Variants in MAPK8IP3 observed in about 807,000 individuals in gnomAD.
The protein encoded by MAPK8IP3 is mitogen-activated protein kinase 8 interacting protein 3, also known as C-Jun-amino-terminal kinase-interacting protein 3.
MAPK8IP3 carries 49 observed loss-of-function variants against 157.8 expected under a neutral mutation model. The ratio of observed to expected loss-of-function variants is 0.31; its 90% CI spans 0.25 to 0.39. The LOEUF (loss-of-function observed/expected upper bound fraction) is 0.39, where lower values mean the gene tolerates loss of function less well. Among genes scored for constraint, MAPK8IP3 ranks in the 10% least tolerant of loss-of-function variants. The pLI is 1.00. For synonymous variants in MAPK8IP3, 897 were observed against 777.7 expected (o/e 1.15, Z -2.55); for missense variants, 1,478 against 1,889.4 (o/e 0.78, Z 4.04).
chr16:1,737,648 CTGTCCGTGTGAG>C, intron 4 of MAPK8IP3, among the ~76,000 whole-genome samples: 1 of 68,002 alleles, frequency 1.5e-5, no homozygotes, highest in Non-Finnish European at 2.8e-5. Flanking sequence ...ATCCGTGTGA[CTGTCCGTGTGAG>C]CGTCCGTGTG....
At chr16:1,738,797 G>T (rs1223742671) in intron 4 of MAPK8IP3, among the ~76,000 whole-genome samples, 1 of 140,468 alleles carries the variant, frequency 7.1e-6, no homozygotes, top group African/African-American at 2.6e-5. Flanking sequence ...CCGTGTGAGT[G>T]TGACCACCCA....
intron 16 of MAPK8IP3, 48 bp downstream of exon 16, chr16:1,763,054 G>T: frequency 6.2e-7 from 1 of 1,603,912 alleles, no homozygotes; most frequent in Non-Finnish European, 8.5e-7. Flanking sequence ...GGGTTGGGGA[G>T]GCCCTGTCCT....
Position 1,768,929 on chromosome 16 carries a change from C to T in MAPK8IP3, c.*105C>T, listed in dbSNP as rs973294976. 1.1e-5 allele frequency: 15 copies of T among 1,339,994 alleles called. No individual in the cohort carries two copies. In the South Asian group the frequency reaches 1.3e-4, roughly 12 times the overall value. The allele number at this position is 1,339,994 out of a possible 1,614,324, so 83.0% of individuals were successfully genotyped here. A position where few individuals can be genotyped will look rare whatever the true frequency, so the allele number is the denominator to read the frequency against. ...CAGGCGCCGCCGCCCCTCTTCTAAC[C>T]TCTCAACCTGCAGCTTTCACCTGAG... On this transcript the variant is annotated 3_prime_UTR_variant, in exon 32 of 32. Coordinates refer to ENST00000610761, the MANE Select transcript of MAPK8IP3 (RefSeq NM_001318852.2).
At position 1,770,166 on chromosome 16, in the gene MAPK8IP3, T is replaced by G. The variant is rs1367907696; in HGVS notation, c.*1342T>G. The G allele has an allele frequency of 6.5e-6, 1 of 153,842 alleles. No homozygotes were observed. Among genetic ancestry groups the G allele is most frequent in the Non-Finnish European group, 1.4e-5 (1 of 69,050 alleles). 9.5% of individuals were successfully genotyped at this position (153,842 alleles called of 1,614,324 possible). On this transcript the variant is annotated 3_prime_UTR_variant, in exon 32 of 32. Coordinates refer to ENST00000610761, the MANE Select transcript of MAPK8IP3 (RefSeq NM_001318852.2). ...CCTGCCACCTCCACTGTGATGTATG[T>G]CCGCTCCCTCGTCTGTTCCCCCAGG...
rs1230437704 is a variant in MAPK8IP3, at chr16:1,743,348, A to C, written c.619A>C (p.Thr207Pro). The change falls in exon 5 of 32, where the codon ACC (threonine) becomes CCC (proline). Residue 207 changes from threonine (T) to proline (P), a missense_variant. Transcript: ENST00000610761. This position sits in a 1 kb window ranked among gnomAD's most constrained non-coding sequence, Gnocchi z 5.6. ...LPGRSRKERP[T>P]SLNVFPLADG... ...CCATTTCAGCAGGAAGGAGCGCCCCACCTCCCTGAACGTGTTCCCCCTGGC... is the reference window on the plus strand; with the variant it reads ...CCATTTCAGCAGGAAGGAGCGCCCCCCCTCCCTGAACGTGTTCCCCCTGGC... The C allele has an allele frequency of 1.3e-6, 2 of 1,564,622 alleles. 1 individual carries two copies. The highest frequency in any genetic ancestry group is 2.4e-5 in the South Asian group (2 of 83,884).
At chr16:1,709,362 G>T (rs971796117) in intron 1 of MAPK8IP3, among the ~76,000 whole-genome samples, 3 of 152,194 alleles carry the variant, frequency 2.0e-5, no homozygotes, top group Non-Finnish European at 4.4e-5. Context: ...CACACACCCT[G>T]GGTCCATCCT....
chr16:1,736,793 C>T lies in MAPK8IP3; in HGVS notation c.603-6539C>T, dbSNP rs577068657. ...GTCTGTGTGACCATCCGTGTGTGAC[C>T]GTCCGTGTGAGCGTGTGACCGTCCG... On this transcript the variant is annotated intron_variant, in intron 4 of 31. Transcript: ENST00000610761. Among the ~76,000 whole-genome samples, 27 of 57,616 alleles carry T rather than the reference C, an allele frequency of 4.7e-4. No individual in the cohort carries two copies. The South Asian group carries it at 9.2e-3, about 20-fold the overall frequency. 37.8% of individuals were successfully genotyped at this position (57,616 alleles called of 152,430 possible).
At chr16:1,717,731 A>C (rs2038246980) in intron 1 of MAPK8IP3, among the ~76,000 whole-genome samples, 1 of 152,228 alleles carries the variant, frequency 6.6e-6, no homozygotes, top group Non-Finnish European at 1.5e-5. Context: ...ATGCAGGCCC[A>C]TTCAAAAAAA....
chr16:1,706,260 C>T lies in MAPK8IP3; in HGVS notation c.-80C>T. On this transcript the variant is annotated 5_prime_UTR_variant, in exon 1 of 32. Transcript: ENST00000610761. The surrounding 1 kb of genome is among the most constrained non-coding windows in gnomAD (Gnocchi z 5.1). ...AGCTGCGGGAGGCGACGGGCTGCGG[C>T]CTGCGGAACCTGAGGCAGCTGGGGA... 6.1e-6 allele frequency: 8 copies of T among 1,314,316 alleles called. No individual in the cohort carries two copies. Among genetic ancestry groups the T allele is most frequent in the South Asian group, 4.9e-5 (3 of 61,034 alleles). The allele number at this position is 1,314,316 out of a possible 1,614,324, so 81.4% of individuals were successfully genotyped here.
intron 1 of MAPK8IP3, among the ~76,000 whole-genome samples, chr16:1,718,298 C>T (rs1478567543): frequency 6.6e-6 from 1 of 151,732 alleles, no homozygotes; most frequent in Non-Finnish European, 1.5e-5. Flanking sequence ...GATTCTCCTG[C>T]CTCAGCCTCC....
intron 1 of MAPK8IP3, among the ~76,000 whole-genome samples, chr16:1,718,476 G>A (rs957295143): frequency 1.4e-4 from 21 of 151,598 alleles, no homozygotes; most frequent in African/African-American, 5.1e-4. Context: ...GAGTCACCGC[G>A]CCCGGCTAAT....
rs984359723 is a variant in MAPK8IP3 at position 1,712,961 on chromosome 16, T to TC, written c.318+6305dup. Reference sequence around the variant, plus strand: ...CAACAAGGGGCCGGCACCCTTTGGTTCATTCAGCCTGAGCCTGTTGTTTCC... The same window carrying TC: ...CAACAAGGGGCCGGCACCCTTTGGTTCCATTCAGCCTGAGCCTGTTGTTTCC... On this transcript the variant is annotated intron_variant, in intron 1 of 31. Coordinates refer to ENST00000610761, the MANE Select transcript of MAPK8IP3 (RefSeq NM_001318852.2). Among the ~76,000 whole-genome samples, 9 of 152,336 alleles carry TC rather than the reference T, an allele frequency of 5.9e-5. No homozygotes were observed. The South Asian group carries it at 1.4e-3, about 25-fold the overall frequency.
Position 1,743,317 on chromosome 16 carries a change from C to T in MAPK8IP3, c.603-15C>T, listed in dbSNP as rs375015876. 2.1e-5 allele frequency: 32 copies of T among 1,543,048 alleles called. No individual in the cohort carries two copies. In the African/African-American group the frequency reaches 2.3e-4, roughly 11 times the overall value. ...CTCTAACCATCGCTTCCTCTCCTCT[C>T]GCCCCCCATTTCAGCAGGAAGGAGC... On this transcript the variant is annotated splice_polypyrimidine_tract_variant and intron_variant, in intron 4 of 31. Transcript: ENST00000610761. The surrounding 1 kb of genome is among the most constrained non-coding windows in gnomAD (Gnocchi z 5.6).
intron 8 of MAPK8IP3, among the ~76,000 whole-genome samples, chr16:1,754,161 G>A (rs546214481): frequency 8.0e-5 from 12 of 149,322 alleles, no homozygotes; most frequent in African/African-American, 3.0e-4. Flanking sequence ...CAGTAAGAGC[G>A]AAACTCTGTC....
intron 14 of MAPK8IP3, 25 bp downstream of exon 14, chr16:1,762,506 G>C: frequency 6.2e-7 from 1 of 1,611,152 alleles, no homozygotes; most frequent in South Asian, 1.1e-5. Context: ...CACCCCAGGA[G>C]GGGCTGCGGG....
rs563884201 is a variant in MAPK8IP3, at chr16:1,754,906, C to CTG, written c.1217-3239_1217-3238dup. Among the ~76,000 whole-genome samples, 22 of 152,346 alleles carry CTG rather than the reference C, an allele frequency of 1.4e-4. 1 individual carries two copies. The East Asian group carries it at 2.9e-3, about 20-fold the overall frequency. On this transcript the variant is annotated intron_variant, in intron 8 of 31. Coordinates refer to ENST00000610761, the MANE Select transcript of MAPK8IP3 (RefSeq NM_001318852.2). ...ACGTGCCCGGACCTGAAGACACACC[C>CTG]TGTGAGCTGTCTGCTGACATGACAG...
chr16:1,753,543 C>G (rs548926762), intron 8 of MAPK8IP3, among the ~76,000 whole-genome samples: 45 of 152,074 alleles, frequency 3.0e-4, no homozygotes, highest in African/African-American at 1.1e-3. Context: ...TGGGTTCACG[C>G]CATTCTCCTG....
At position 1,743,604 on chromosome 16, in the gene MAPK8IP3, G is replaced by A. The variant is rs1262696784; in HGVS notation, c.747+128G>A. On this transcript the variant is annotated intron_variant, in intron 5 of 31. Coordinates refer to ENST00000610761, the MANE Select transcript of MAPK8IP3 (RefSeq NM_001318852.2). This position sits in a 1 kb window ranked among gnomAD's most constrained non-coding sequence, Gnocchi z 5.6. ...TGGGCCACTCGCCCTCTCCCTTCGTGTGTGGCAGGATGGAGAAACCCAGCC... is the reference window on the plus strand; with the variant it reads ...TGGGCCACTCGCCCTCTCCCTTCGTATGTGGCAGGATGGAGAAACCCAGCC... 11 of 1,456,340 alleles carry A rather than the reference G, an allele frequency of 7.6e-6. No homozygotes were observed. The Admixed American group carries it at 2.6e-4, about 34-fold the overall frequency. 90.2% of individuals were successfully genotyped at this position (1,456,340 alleles called of 1,614,324 possible). A position where few individuals can be genotyped will look rare whatever the true frequency, so the allele number is the denominator to read the frequency against.
In MAPK8IP3 at chr16:1,706,531, G is replaced by A. The variant is rs2037394955; in HGVS notation, c.192G>A (p.Glu64=). 2.5e-6 allele frequency: 4 copies of A among 1,614,032 alleles called. No homozygotes were observed. Among genetic ancestry groups the A allele is most frequent in the East Asian group, 2.2e-5 (1 of 44,848 alleles). The change falls in exon 1 of 32, where the codon GAG becomes GAA. Residue 64 remains glutamate (E), a synonymous_variant. Coordinates refer to ENST00000610761, the MANE Select transcript of MAPK8IP3 (RefSeq NM_001318852.2). The surrounding 1 kb of genome is among the most constrained non-coding windows in gnomAD (Gnocchi z 5.1). Reference sequence around the variant, plus strand: ...TGCCGCTGGTGGTGAACGTGCTGGAGAACCTAGACTCGGTGCTCAGCGAGA... The same window carrying A: ...TGCCGCTGGTGGTGAACGTGCTGGAAAACCTAGACTCGGTGCTCAGCGAGA... The part of the protein sequence containing the change: ...ELMPLVVNVL[E]NLDSVLSENQ...
Sources: allele counts gnomAD v4.1 joint callset (sites outside exome capture counted in the v4.1 genomes callset), GRCh38; gene constraint gnomAD v4.1.1; non-coding constraint Gnocchi (gnomAD v3.1); transcripts MANE v1.5; gene names NCBI Gene and HGNC (gene_info 2026-07-23, HGNC 2026-07-21).